The following PPARGC1A variants were observed in gnomAD, a reference collection of about 807,000 sequenced individuals.
PPARGC1A encodes peroxisome proliferator-activated receptor gamma coactivator 1-alpha.
PPARGC1A carries 25 observed loss-of-function variants against 88.7 expected under a neutral mutation model. The observed-to-expected ratio is 0.28, with a 90% CI of 0.21 to 0.39. PPARGC1A has a LOEUF of 0.39. Ranked by LOEUF, PPARGC1A falls within the 10% of genes least tolerant of loss-of-function variation. PPARGC1A has a pLI of 1.00. For synonymous variants in PPARGC1A, 363 were observed against 355.6 expected (o/e 1.02, Z -0.24); for missense variants, 880 against 968.7 (o/e 0.91, Z 1.22).
chr4:23,913,267 T>TATAGAGAGAGAG, the PPARGC1A span, among the ~76,000 whole-genome samples: 5 of 77,530 alleles, frequency 6.4e-5, no homozygotes, highest in African/African-American at 2.2e-4. Context: ...TATATATATA[T>TATAGAGAGAGAG]AGAGAGAGAG....
intron 2 of PPARGC1A, chr4:23,882,250 A>C (rs1401629242): frequency 6.6e-6 from 1 of 152,210 alleles, no homozygotes; most frequent in East Asian, 1.9e-4. Flanking sequence ...CTGACATATT[A>C]GTCCTGGAGC....
the PPARGC1A span, among the ~76,000 whole-genome samples, chr4:24,235,189 G>A: frequency 1.3e-5 from 2 of 152,196 alleles, no homozygotes; most frequent in African/African-American, 4.8e-5. Context: ...TCCTAGGGGG[G>A]TGGTGACTTT....
At chr4:23,881,371 A>G (rs995225870) in intron 2 of PPARGC1A, 8 of 152,092 alleles carry the variant, frequency 5.3e-5, no homozygotes, top group African/African-American at 1.9e-4. Flanking sequence ...GTGTCCAGTT[A>G]CTCAACCAAC....
the PPARGC1A span, among the ~76,000 whole-genome samples, chr4:24,157,297 C>T: frequency 1.3e-5 from 2 of 152,124 alleles, no homozygotes; most frequent in Admixed American, 6.6e-5. Context: ...ATCTTTAATC[C>T]TTTGTTTATT....
chr4:23,877,360 C>CAAA (rs551447166), intron 2 of PPARGC1A, among the ~76,000 whole-genome samples: 5 of 62,818 alleles, frequency 8.0e-5, no homozygotes, highest in Admixed American at 2.0e-4. Flanking sequence ...ACTAAAAATA[C>CAAA]AAAAAAAAAA....
the PPARGC1A span, among the ~76,000 whole-genome samples, chr4:24,303,745 G>C: frequency 3.3e-5 from 5 of 152,076 alleles, no homozygotes; most frequent in Admixed American, 2.6e-4. Flanking sequence ...TTGGAGTAGA[G>C]TACATCATCT....
chr4:24,244,328 TAG>T, the PPARGC1A span, among the ~76,000 whole-genome samples: 1 of 152,364 alleles, frequency 6.6e-6, no homozygotes, highest in African/African-American at 2.4e-5. Context: ...TTTCATATAT[TAG>T]ATCTTATGGT....
chr4:24,426,909 A>G, the PPARGC1A span, among the ~76,000 whole-genome samples: 2 of 152,218 alleles, frequency 1.3e-5, no homozygotes, highest in Non-Finnish European at 2.9e-5. Context: ...GAATGTTTTT[A>G]CAACAGAGAC....
chr4:24,314,486 T>C, the PPARGC1A span, among the ~76,000 whole-genome samples: 76 of 152,302 alleles, frequency 5.0e-4, no homozygotes, highest in African/African-American at 1.6e-3. Context: ...CCAGACCAAA[T>C]TAGCCAGCCC....
At chr4:24,324,431 A>ACC in the PPARGC1A span, among the ~76,000 whole-genome samples, 1 of 145,562 alleles carries the variant, frequency 6.9e-6, no homozygotes, top group African/African-American at 2.5e-5. Context: ...AGAACCCCCC[A>ACC]CCCCTTCTCC....
At chr4:23,886,950 C>T (rs1222428256) in intron 1 of PPARGC1A, among the ~76,000 whole-genome samples, 1 of 151,822 alleles carries the variant, frequency 6.6e-6, no homozygotes, top group Non-Finnish European at 1.5e-5. Context: ...GGCTTAAGTT[C>T]CTGTTGTGAA....
chr4:24,195,837 G>A, the PPARGC1A span, among the ~76,000 whole-genome samples: 1 of 152,062 alleles, frequency 6.6e-6, no homozygotes, highest in Non-Finnish European at 1.5e-5. Context: ...TGTAGTTAAG[G>A]TTCTGCTAAT....
the PPARGC1A span, among the ~76,000 whole-genome samples, chr4:24,435,521 A>G: frequency 1.6e-4 from 25 of 152,226 alleles, no homozygotes; most frequent in East Asian, 2.7e-3. Context: ...AGGCTCTCAC[A>G]GATTGGGGAC....
At chr4:24,099,732 A>G in the PPARGC1A span, among the ~76,000 whole-genome samples, 1 of 151,776 alleles carries the variant, frequency 6.6e-6, no homozygotes, top group African/African-American at 2.4e-5. Context: ...TGGGGAGGGG[A>G]TGTGGGATGT....
chr4:24,466,428 T>C, the PPARGC1A span, among the ~76,000 whole-genome samples: 3 of 152,196 alleles, frequency 2.0e-5, no homozygotes, highest in Non-Finnish European at 4.4e-5. Flanking sequence ...CACAAGTCTG[T>C]CTGGTGGAGG....
At chr4:23,953,877 G>C in the PPARGC1A span, among the ~76,000 whole-genome samples, 1 of 151,924 alleles carries the variant, frequency 6.6e-6, no homozygotes, top group Non-Finnish European at 1.5e-5. Flanking sequence ...CAGGCACCTC[G>C]TATGATAAAA....
intron 2 of PPARGC1A, among the ~76,000 whole-genome samples, chr4:23,879,286 T>G (rs1715436497): frequency 6.6e-6 from 1 of 152,150 alleles, no homozygotes; most frequent in Non-Finnish European, 1.5e-5. Flanking sequence ...AAGCAGGAAT[T>G]CATTACCATG....
chr4:24,264,365 C>T, the PPARGC1A span, among the ~76,000 whole-genome samples: 1 of 152,268 alleles, frequency 6.6e-6, no homozygotes, highest in South Asian at 2.1e-4. Context: ...TGTGATGCCA[C>T]ACTGCTGAAC....
chr4:24,219,567 A>C, the PPARGC1A span, among the ~76,000 whole-genome samples: 4 of 152,192 alleles, frequency 2.6e-5, no homozygotes, highest in Admixed American at 6.5e-5. Flanking sequence ...TTGATCAATC[A>C]AAGAGTTGTC....
Sources: allele counts gnomAD v4.1 joint callset (sites outside exome capture counted in the v4.1 genomes callset), GRCh38; gene constraint gnomAD v4.1.1; transcripts MANE v1.5; gene names NCBI Gene and HGNC (gene_info 2026-07-23, HGNC 2026-07-21).